ADD1: variants seen among roughly 807,000 people sequenced by gnomAD.
ADD1 encodes adducin 1, also known as alpha-adducin.
ADD1 carries 24 observed loss-of-function variants against 80.5 expected under a neutral mutation model. The observed-to-expected ratio is 0.30, with a 90% confidence interval of 0.22 to 0.42. The LOEUF (loss-of-function observed/expected upper bound fraction) is 0.42, where lower values mean the gene tolerates loss of function less well. ADD1 is among the 10% of genes least tolerant of loss of function. The pLI is 1.00. For missense variants in ADD1, 948 were observed against 1,019.0 expected, an observed-to-expected ratio of 0.93 and a Z score of 0.95; for synonymous variants, 373 against 393.8, an observed-to-expected ratio of 0.95 and a Z score of 0.63.
intron 9 of ADD1, among the ~76,000 whole-genome samples, chr4:2,903,941 ATGT>A (rs1388478253): frequency 2.0e-5 from 3 of 152,202 alleles, no homozygotes; most frequent in Non-Finnish European, 2.9e-5. Context: ...GTGAATTTGA[ATGT>A]TGTTGTATTC....
intron 1 of ADD1, among the ~76,000 whole-genome samples, chr4:2,860,065 A>G (rs964530438): frequency 2.0e-5 from 3 of 152,036 alleles, no homozygotes; most frequent in East Asian, 1.9e-4. Flanking sequence ...TGTCTGGTCA[A>G]CCTGTGCTTC....
chr4:2,865,583 T>C (rs184171274), intron 1 of ADD1, among the ~76,000 whole-genome samples: 268 of 152,374 alleles, frequency 1.8e-3, no homozygotes, highest in African/African-American at 5.3e-3. Context: ...TAGGAACTTT[T>C]AGTTGTTGAT....
At chr4:2,924,653 T>C (rs1035401948) in intron 14 of ADD1, among the ~76,000 whole-genome samples, 1 of 152,234 alleles carries the variant, frequency 6.6e-6, no homozygotes, top group Non-Finnish European at 1.5e-5. Flanking sequence ...GCCACTGCAT[T>C]ACGTAGTTGT....
rs1212444565 is a variant in ADD1 at position 2,929,916 on chromosome 4, C to T, written c.*1393C>T. 3 of 152,658 alleles carry T rather than the reference C, an allele frequency of 2.0e-5. No individual in the cohort carries two copies. Among genetic ancestry groups the T allele is most frequent in the Non-Finnish European group, 4.4e-5 (3 of 68,054 alleles). 9.5% of individuals were successfully genotyped at this position (152,658 alleles called of 1,614,324 possible). On this transcript the variant is annotated 3_prime_UTR_variant, in exon 16 of 16. Transcript: ENST00000683351. ...CTCCTTTACCCCACATATGCAATGA[C>T]TTTTAATTTTCACTTTTGTAGTTTA...
chr4:2,890,615 A>G (rs529025540), intron 4 of ADD1, among the ~76,000 whole-genome samples: 2 of 152,014 alleles, frequency 1.3e-5, no homozygotes, highest in Non-Finnish European at 2.9e-5. Context: ...TCACCATTTT[A>G]GCCAGGATGG....
intron 4 of ADD1, chr4:2,887,744 G>A (rs1275263687): frequency 1.3e-5 from 2 of 152,228 alleles, no homozygotes; most frequent in Non-Finnish European, 2.9e-5. Flanking sequence ...TACTGCATTG[G>A]TCTGCAACAG....
Position 2,856,792 on chromosome 4 carries a change from C to T in ADD1, c.-21+12768C>T, listed in dbSNP as rs1464760114. 4.6e-5 allele frequency among the ~76,000 whole-genome samples: 7 copies of T among 151,660 alleles called. No homozygotes were observed. In the East Asian group the frequency reaches 7.7e-4, roughly 17 times the overall value. On this transcript the variant is annotated intron_variant, in intron 1 of 15. Transcript: ENST00000683351. ...TTTTAATAGAGATGGGGTTTCACCACGTTGGCCAGGCTGGTCTCAAACTCC... is the reference window on the plus strand; with the variant it reads ...TTTTAATAGAGATGGGGTTTCACCATGTTGGCCAGGCTGGTCTCAAACTCC...
chr4:2,845,971 A>G (rs1474669246), intron 1 of ADD1, among the ~76,000 whole-genome samples: 3 of 152,200 alleles, frequency 2.0e-5, no homozygotes, highest in African/African-American at 4.8e-5. Context: ...ACCAGTTTCA[A>G]CAGTCAATCT....
At chr4:2,902,248 AAAGGAAAC>A (rs1213268039) in intron 9 of ADD1, 4 of 152,218 alleles carry the variant, frequency 2.6e-5, no homozygotes, top group Non-Finnish European at 4.4e-5. Context: ...TCTTTAAGCA[AAAGGAAAC>A]TTGAATTAAT....
intron 9 of ADD1, chr4:2,899,848 A>G (rs1315563121): frequency 9.2e-6 from 3 of 326,072 alleles, no homozygotes; most frequent in African/African-American, 2.2e-5. Flanking sequence ...ACTGTGTTCC[A>G]TGGGTATCCA....
In ADD1 at chr4:2,928,358, A is replaced by G. The variant is rs1712298614; in HGVS notation, c.2235A>G (p.Pro745=). ...CTGAGGCCAGCCCCGAGCCAGCCCC[A>G]GACCCAGCCCCGGTGGCTGAAGAGG... The part of the protein sequence containing the change: ...APTEASPEPA[P]DPAPVAEEAA... The change falls in exon 16 of 16, where the codon CCA becomes CCG. Residue 745 remains proline (P), a synonymous_variant. Transcript: ENST00000683351. 1 of 1,613,544 alleles carries G rather than the reference A, an allele frequency of 6.2e-7. No individual in the cohort carries two copies. Among genetic ancestry groups the G allele is most frequent in the African/African-American group, 1.3e-5 (1 of 74,866 alleles).
At chr4:2,864,006 A>G (rs1385250893) in intron 1 of ADD1, among the ~76,000 whole-genome samples, 1 of 152,228 alleles carries the variant, frequency 6.6e-6, no homozygotes, top group African/African-American at 2.4e-5. Flanking sequence ...ACTGTCAACT[A>G]GAGAGTTTGG....
intron 4 of ADD1, among the ~76,000 whole-genome samples, chr4:2,889,297 TAATTA>T (rs1359525733): frequency 6.6e-6 from 1 of 152,046 alleles, no homozygotes; most frequent in Non-Finnish European, 1.5e-5. Context: ...CAAGTGGAAA[TAATTA>T]TATGAGACTT....
intron 1 of ADD1, among the ~76,000 whole-genome samples, chr4:2,852,182 CTT>C (rs1553815233): frequency 1.6e-5 from 1 of 63,980 alleles, no homozygotes; most frequent in Non-Finnish European, 2.8e-5. Context: ...TTCTTTCTTT[CTT>C]TCTTTCTTTC....
chr4:2,880,506 C>T (rs1482849858), intron 2 of ADD1, among the ~76,000 whole-genome samples: 6 of 109,422 alleles, frequency 5.5e-5, no homozygotes, highest in African/African-American at 2.1e-4. Flanking sequence ...GACGGAGTCT[C>T]GCTCTATCTC....
intron 1 of ADD1, among the ~76,000 whole-genome samples, chr4:2,845,337 C>G (rs1210743488): frequency 6.6e-6 from 1 of 152,202 alleles, no homozygotes; most frequent in Non-Finnish European, 1.5e-5. Flanking sequence ...TCCAAAAGTG[C>G]TGGGATTACA....
At chr4:2,921,963 T>C (rs1332507897) in intron 14 of ADD1, among the ~76,000 whole-genome samples, 1 of 151,988 alleles carries the variant, frequency 6.6e-6, no homozygotes, top group Admixed American at 6.6e-5. Flanking sequence ...GAAGTTCTCA[T>C]GCTGTGTTTT....
intron 2 of ADD1, among the ~76,000 whole-genome samples, chr4:2,881,072 C>CTTTTTTTTT (rs752868581): frequency 4.5e-5 from 4 of 89,360 alleles, no homozygotes; most frequent in African/African-American, 1.4e-4. Context: ...GATGTATTTA[C>CTTTTTTTTT]TTTTTTTTTT....
intron 6 of ADD1, among the ~76,000 whole-genome samples, chr4:2,895,064 A>G (rs1217237062): frequency 6.6e-6 from 1 of 152,114 alleles, no homozygotes; most frequent in Non-Finnish European, 1.5e-5. Context: ...GTTGGAGACC[A>G]GCCTGGGCAA....
Sources: gnomAD v4.1 joint callset for allele counts (sites outside exome capture counted in the v4.1 genomes callset) on GRCh38, gnomAD v4.1.1 for gene constraint, MANE v1.5 for transcripts, NCBI Gene and HGNC (gene_info 2026-07-23, HGNC 2026-07-21) for gene names.